MBOAT2: variants seen among roughly 807,000 people sequenced by gnomAD.
MBOAT2 encodes membrane bound glycerophospholipid O-acyltransferase 2, also known as membrane-bound glycerophospholipid O-acyltransferase 2.
In MBOAT2, 28 loss-of-function variants were observed where a neutral mutation model predicts 63.4. The ratio of observed to expected loss-of-function variants is 0.44; its 90% CI spans 0.33 to 0.61. The LOEUF (loss-of-function observed/expected upper bound fraction) is 0.61. Among genes scored for constraint, MBOAT2 ranks in the 20% least tolerant of loss-of-function variants. The pLI is 0.03. For missense variants in MBOAT2, 470 were observed against 605.8 expected (o/e 0.78, Z 2.35); for synonymous variants, 211 against 215.6 (o/e 0.98, Z 0.19).
chr2:8,928,607 T>TA (rs1413630080), intron 3 of MBOAT2, among the ~76,000 whole-genome samples: 1 of 151,936 alleles, frequency 6.6e-6, no homozygotes, highest in Non-Finnish European at 1.5e-5. Context: ...CTGAGAATTT[T>TA]AAAAAATCTG....
chr2:8,973,504 A>G (rs1367655733), intron 1 of MBOAT2, among the ~76,000 whole-genome samples: 1 of 151,962 alleles, frequency 6.6e-6, no homozygotes, highest in Non-Finnish European at 1.5e-5. Context: ...TGTACCCTAG[A>G]ACTTAAAGTA....
At chr2:8,960,403 T>C (rs566181078) in intron 1 of MBOAT2, among the ~76,000 whole-genome samples, 2 of 152,242 alleles carry the variant, frequency 1.3e-5, no homozygotes, top group South Asian at 4.1e-4. Context: ...ATGGAAAACA[T>C]AAACATATAC....
chr2:8,936,387 A>C (rs1008782614), intron 3 of MBOAT2, among the ~76,000 whole-genome samples: 5 of 152,238 alleles, frequency 3.3e-5, no homozygotes, highest in Non-Finnish European at 5.9e-5. Flanking sequence ...GGAGGTTTAA[A>C]ATCACTTTCC....
intron 1 of MBOAT2, among the ~76,000 whole-genome samples, chr2:9,000,855 TTTTAC>T (rs1214199412): frequency 1.4e-4 from 22 of 152,370 alleles, no homozygotes; most frequent in African/African-American, 5.0e-4. Flanking sequence ...ACTGTAACTT[TTTTAC>T]TTTATTAAGT....
At chr2:8,884,916 T>C (rs540214250) in intron 5 of MBOAT2, among the ~76,000 whole-genome samples, 28 of 152,358 alleles carry the variant, frequency 1.8e-4, no homozygotes, top group African/African-American at 5.0e-4. Context: ...TTTTTAAAGC[T>C]AGAAGTCTAA....
intron 9 of MBOAT2, 32 bp from the exon 10 acceptor site, chr2:8,864,266 C>T: frequency 7.3e-7 from 1 of 1,369,428 alleles, no homozygotes; most frequent in Non-Finnish European, 1.0e-6. Context: ...TTCTTTGTGT[C>T]ACAAAATAAT....
chr2:9,000,880 T>C (rs1672636622), intron 1 of MBOAT2, among the ~76,000 whole-genome samples: 1 of 152,270 alleles, frequency 6.6e-6, no homozygotes, highest in Non-Finnish European at 1.5e-5. Context: ...TTTTTAATTC[T>C]TTTATAATAA....
At chr2:8,992,413 G>C (rs900723571) in intron 1 of MBOAT2, among the ~76,000 whole-genome samples, 1 of 152,094 alleles carries the variant, frequency 6.6e-6, no homozygotes, top group Admixed American at 6.5e-5. Context: ...CTAGGATTAC[G>C]GGCATGAGCT....
chr2:8,868,438 T>C lies in MBOAT2; in HGVS notation c.987+8A>G. 1 of 1,610,346 alleles carries C rather than the reference T, an allele frequency of 6.2e-7. No individual in the cohort carries two copies. The highest frequency in any genetic ancestry group is 1.1e-5 in the South Asian group (1 of 90,570). On this transcript the variant is annotated splice_region_variant and intron_variant, in intron 9 of 12. Coordinates refer to ENST00000305997, the MANE Select transcript of MBOAT2 (RefSeq NM_138799.4). ...ATATAGTAACTAACTTCTTAAAGAT[T>C]GACTCACCTCTATTTGTTGAATTCT... is the stretch of plus-strand genomic sequence containing the variant.
chr2:8,966,919 G>C (rs1271373102), intron 1 of MBOAT2, among the ~76,000 whole-genome samples: 1 of 152,178 alleles, frequency 6.6e-6, no homozygotes, highest in Non-Finnish European at 1.5e-5. Flanking sequence ...GTTCATAATA[G>C]CCAAATGCCA....
intron 2 of MBOAT2, 67 bp downstream of exon 2, chr2:8,958,430 C>G: frequency 2.1e-6 from 3 of 1,411,492 alleles, no homozygotes; most frequent in Non-Finnish European, 2.8e-6. Flanking sequence ...ATGTATCTTT[C>G]CACACACTCA....
chr2:8,864,004 C>T (rs1332256123), intron 10 of MBOAT2, among the ~76,000 whole-genome samples, 166 bp downstream of exon 10: 2 of 152,136 alleles, frequency 1.3e-5, no homozygotes, highest in Non-Finnish European at 1.5e-5. Context: ...AGTTCTCATT[C>T]GATACTGACT....
In MBOAT2 at chr2:8,862,361, C is replaced by A; in HGVS notation, c.1185+229G>T. 1 of 1,439,804 alleles carries A rather than the reference C, an allele frequency of 6.9e-7. No individual in the cohort carries two copies. The allele number at this position is 1,439,804 out of a possible 1,614,324, so 89.2% of individuals were successfully genotyped here. ...GTAACATTTTGTGAGTGCCTCCTAC[C>A]TGCCGGGCACATAGAAACGTGTTTT... On this transcript the variant is annotated intron_variant, in intron 11 of 12. Transcript: ENST00000305997. This position sits in a 1 kb window ranked among gnomAD's most constrained non-coding sequence, Gnocchi z 4.3.
chr2:8,936,972 T>A (rs186060997), intron 3 of MBOAT2, among the ~76,000 whole-genome samples: 1 of 152,318 alleles, frequency 6.6e-6, no homozygotes, highest in Non-Finnish European at 1.5e-5. Context: ...AATATCTTCC[T>A]AATTCCAATT....
chr2:8,893,104 AG>A (rs1388635164), intron 4 of MBOAT2, among the ~76,000 whole-genome samples: 1 of 25,644 alleles, frequency 3.9e-5, no homozygotes, highest in Non-Finnish European at 7.5e-5. Flanking sequence ...GTGGGGGAGG[AG>A]GCAGGGGAGG....
intron 3 of MBOAT2, among the ~76,000 whole-genome samples, chr2:8,924,921 G>C (rs1242107894): frequency 6.6e-6 from 1 of 152,032 alleles, no homozygotes; most frequent in African/African-American, 2.4e-5. Context: ...AAGACCTTCA[G>C]CATATCACCT....
At chr2:8,922,774 C>T (rs567471356) in intron 3 of MBOAT2, among the ~76,000 whole-genome samples, 132 of 152,346 alleles carry the variant, frequency 8.7e-4, no homozygotes, top group Non-Finnish European at 1.2e-4. Context: ...CCTCCATCAG[C>T]CAGGGGTGTG....
chr2:8,898,205 A>C (rs1664632315), intron 4 of MBOAT2, among the ~76,000 whole-genome samples: 1 of 152,172 alleles, frequency 6.6e-6, no homozygotes, highest in Non-Finnish European at 1.5e-5. Context: ...TGGAGCTTGT[A>C]CTAGGGCCTG....
At chr2:8,938,686 CCAT>C (rs1385671753) in intron 3 of MBOAT2, among the ~76,000 whole-genome samples, 4 of 151,234 alleles carry the variant, frequency 2.6e-5, no homozygotes, top group African/African-American at 7.3e-5. Context: ...TCTCATGCCA[CCAT>C]GTTTCATGCT....
Sources: gnomAD v4.1 joint callset for allele counts (sites outside exome capture counted in the v4.1 genomes callset) on GRCh38, gnomAD v4.1.1 for gene constraint, Gnocchi (gnomAD v3.1) non-coding constraint, MANE v1.5 for transcripts, NCBI Gene and HGNC (gene_info 2026-07-23, HGNC 2026-07-21) for gene names.